The following ROBO1 variants were observed in gnomAD, a reference collection of about 807,000 sequenced individuals.
ROBO1 encodes the protein roundabout homolog 1.
Under a neutral mutation model 195.9 loss-of-function variants are expected in ROBO1, and 149 were observed. The ratio of observed to expected loss-of-function variants is 0.76; its 90% confidence interval spans 0.67 to 0.87. ROBO1 has a LOEUF of 0.87. ROBO1 is among the 40% of genes least tolerant of loss of function. ROBO1 has a pLI of 0.00. For synonymous variants in ROBO1, 816 were observed against 733.2 expected (o/e 1.11, Z -1.82); for missense variants, 1,933 against 2,068.3 (o/e 0.93, Z 1.27).
intron 2 of ROBO1, among the ~76,000 whole-genome samples, chr3:79,480,242 T>G (rs1265819025): frequency 1.3e-5 from 2 of 152,218 alleles, no homozygotes; most frequent in Non-Finnish European, 1.5e-5. Flanking sequence ...TCAAAGTATT[T>G]TGATATAATT....
chr3:78,779,569 G>A (rs990636011), intron 4 of ROBO1, among the ~76,000 whole-genome samples: 2 of 152,154 alleles, frequency 1.3e-5, no homozygotes, highest in East Asian at 1.9e-4. Flanking sequence ...GCCATCTCAC[G>A]TCAGTTAGAA....
At chr3:78,760,978 A>C (rs1235662308) in intron 4 of ROBO1, among the ~76,000 whole-genome samples, 1 of 152,154 alleles carries the variant, frequency 6.6e-6, no homozygotes, top group Non-Finnish European at 1.5e-5. Context: ...CGTTTAAAGA[A>C]AAACAATCCA....
intron 1 of ROBO1, among the ~76,000 whole-genome samples, chr3:79,698,843 T>C (rs1040300639): frequency 2.6e-5 from 4 of 151,520 alleles, no homozygotes; most frequent in Non-Finnish European, 5.9e-5. Context: ...CTCTTGACCA[T>C]TGAAGAATAA....
chr3:79,692,195 C>A (rs1342788698), intron 1 of ROBO1, among the ~76,000 whole-genome samples: 2 of 151,956 alleles, frequency 1.3e-5, no homozygotes, highest in South Asian at 4.1e-4. Context: ...ATAAAAGTAA[C>A]TATACTTTTA....
intron 2 of ROBO1, among the ~76,000 whole-genome samples, chr3:79,535,838 C>T (rs1457696651): frequency 2.0e-5 from 3 of 152,100 alleles, no homozygotes; most frequent in South Asian, 2.1e-4. Context: ...TTCCTCTTCT[C>T]TCGATCCCAT....
intron 3 of ROBO1, among the ~76,000 whole-genome samples, chr3:78,959,357 C>G (rs1269269713): frequency 1.3e-5 from 2 of 152,066 alleles, no homozygotes; most frequent in Non-Finnish European, 2.9e-5. Context: ...GAATAGTCTA[C>G]CTACTGTGAA....
At chr3:78,713,757 T>C (rs1279160259) in intron 8 of ROBO1, among the ~76,000 whole-genome samples, 19 of 152,162 alleles carry the variant, frequency 1.2e-4, no homozygotes, top group Admixed American at 1.2e-3. Flanking sequence ...CTGGTAGCCA[T>C]AGAACACGGT....
At chr3:79,059,194 A>G (rs2078868600) in intron 3 of ROBO1, among the ~76,000 whole-genome samples, 1 of 152,108 alleles carries the variant, frequency 6.6e-6, no homozygotes, top group Admixed American at 6.6e-5. Flanking sequence ...GTCAAAGGAC[A>G]CCTTCTGGGT....
chr3:79,597,936 C>T (rs888864108), intron 1 of ROBO1, among the ~76,000 whole-genome samples: 1 of 152,050 alleles, frequency 6.6e-6, no homozygotes, highest in Non-Finnish European at 1.5e-5. Context: ...TACATGTAGG[C>T]ACAGCTACAT....
intron 2 of ROBO1, among the ~76,000 whole-genome samples, chr3:79,220,554 G>C (rs2108824189): frequency 6.6e-6 from 1 of 152,020 alleles, no homozygotes; most frequent in East Asian, 1.9e-4. Context: ...CACAGTGTGT[G>C]GAATCAGTCT....
intron 3 of ROBO1, among the ~76,000 whole-genome samples, chr3:79,009,203 C>T (rs1228316728): frequency 1.3e-5 from 2 of 150,798 alleles, no homozygotes; most frequent in Admixed American, 6.6e-5. Context: ...ATCCACCCGC[C>T]TCAGCCTCCC....
At chr3:79,563,406 G>T (rs11718665) in intron 2 of ROBO1, among the ~76,000 whole-genome samples, 87,471 of 151,872 alleles carry the variant, frequency 0.58, 26,658 homozygotes, top group African/African-American at 0.79. Context: ...TATGTCTTTG[G>T]GTTTAGTAAT....
intron 29 of ROBO1, among the ~76,000 whole-genome samples, chr3:78,602,154 C>T (rs1455164289): frequency 6.6e-6 from 1 of 151,934 alleles, no homozygotes; most frequent in African/African-American, 2.4e-5. Context: ...GGAGGTGGGG[C>T]CAGGTGGGAG....
chr3:79,266,099 C>G (rs1045736923), intron 2 of ROBO1, among the ~76,000 whole-genome samples: 2 of 151,368 alleles, frequency 1.3e-5, no homozygotes, highest in Non-Finnish European at 3.0e-5. Flanking sequence ...TACCCATGAG[C>G]TATTATATGC....
chr3:79,534,138 C>A (rs934290757), intron 2 of ROBO1, among the ~76,000 whole-genome samples: 2 of 87,524 alleles, frequency 2.3e-5, no homozygotes, highest in African/African-American at 5.0e-5. Flanking sequence ...ACTCTAGATG[C>A]TGGGGAAGGC....
At chr3:79,242,554 G>A (rs866485913) in intron 2 of ROBO1, among the ~76,000 whole-genome samples, 43 of 152,262 alleles carry the variant, frequency 2.8e-4, no homozygotes, top group African/African-American at 9.6e-4. Context: ...TGCCAATAAA[G>A]CCATGGACAT....
chr3:79,423,521 G>T (rs924809984), intron 2 of ROBO1, among the ~76,000 whole-genome samples: 8 of 151,944 alleles, frequency 5.3e-5, no homozygotes, highest in Non-Finnish European at 1.2e-4. Context: ...AAATAAATAG[G>T]TCCATATTTA....
At chr3:78,942,719 G>A (rs2040205264) in intron 3 of ROBO1, among the ~76,000 whole-genome samples, 2 of 152,160 alleles carry the variant, frequency 1.3e-5, no homozygotes. Flanking sequence ...TACAGCCAAT[G>A]ATTAAATCCA....
At chr3:78,798,418 T>G (rs1012756346) in intron 4 of ROBO1, among the ~76,000 whole-genome samples, 4 of 152,172 alleles carry the variant, frequency 2.6e-5, no homozygotes, top group African/African-American at 4.8e-5. Flanking sequence ...AATTTTTGAG[T>G]GATTCATACT....
Sources: gnomAD v4.1 joint callset for allele counts (sites outside exome capture counted in the v4.1 genomes callset) on GRCh38, gnomAD v4.1.1 for gene constraint, MANE v1.5 for transcripts, NCBI Gene and HGNC (gene_info 2026-07-23, HGNC 2026-07-21) for gene names.